HRNR: variants seen among roughly 807,000 people sequenced by gnomAD.
HRNR encodes hornerin, also known as filaggrin family member 3.
In HRNR, 7 loss-of-function variants were observed where a neutral mutation model predicts 4.8. That is an observed-to-expected ratio of 1.47 (90% CI 0.83 to 2.75). The LOEUF is 2.75. HRNR is among the 30% of genes most tolerant of loss of function. The pLI is 0.00. For missense variants in HRNR, 2,879 were observed against 3,010.4 expected (o/e 0.96, Z 1.02); for synonymous variants, 1,023 against 1,242.7 (o/e 0.82, Z 3.72).
Position 152,219,040 on chromosome 1 carries a change from T to G in HRNR, c.2589A>C (p.Gln863His). The change falls in exon 3 of 3, where the codon CAA (glutamine) becomes CAC (histidine). Residue 863 changes from glutamine to histidine, a missense_variant. By Grantham distance (24) the Gln-to-His change is conservative (BLOSUM62 0). Transcript: ENST00000368801. ...SSGQHDSSSG[Q>H]SSSYGQHESA... Reference sequence around the variant, plus strand: ...ACTCATGCTGACCATAGCTGGAAGATTGACCTGAGCTAGAGTCATGTTGGC... The same window carrying G: ...ACTCATGCTGACCATAGCTGGAAGAGTGACCTGAGCTAGAGTCATGTTGGC... The G allele has an allele frequency of 1.2e-6, 2 of 1,606,126 alleles. No homozygotes were observed. The highest frequency in any genetic ancestry group is 1.1e-5 in the South Asian group (1 of 90,718).
Position 152,219,039 on chromosome 1 carries a change from A to G in HRNR, c.2590T>C (p.Ser864Pro), listed in dbSNP as rs146837788. The change falls in exon 3 of 3, where the codon TCT (serine) becomes CCT (proline). Residue 864 changes from serine to proline, a missense_variant. Physicochemically the swap from Ser to Pro is moderately conservative, Grantham distance 74. Around this residue, in one of 8 missense-constraint regions of HRNR, gnomAD observed 2,646 missense variants for 1,377.7 expected, o/e 1.92. Transcript: ENST00000368801. The stretch of plus-strand genomic sequence containing the variant: ...GACTCATGCTGACCATAGCTGGAAG[A>G]TTGACCTGAGCTAGAGTCATGTTGG... ...SGQHDSSSGQ[S>P]SSYGQHESAS... is the part of the protein sequence containing the mutation. 3.7e-6 allele frequency: 6 copies of G among 1,613,738 alleles called. No homozygotes were observed. Among genetic ancestry groups the G allele is most frequent in the Admixed American group, 1.7e-5 (1 of 59,976 alleles).
At position 152,220,147 on chromosome 1, in the gene HRNR, G is replaced by C. The variant is rs77355406; in HGVS notation, c.1482C>G (p.His494Gln). The C allele has an allele frequency of 1.9e-6, 3 of 1,613,110 alleles. No individual in the cohort carries two copies. In the African/African-American group the frequency reaches 4.0e-5, roughly 22 times the overall value. ...TAGATGACTGTCCTGACCTAGAGCC[G>C]TGTTGTCCGTGGCCGGAGGAGTGAC... ...GSGHSSGHGQ[H>Q]GSRSGQSSRG... The change falls in exon 3 of 3, where the codon CAC becomes CAG. Residue 494 changes from histidine (H) to glutamine (Q), a missense_variant. By Grantham distance (24) the His-to-Gln change is conservative. Around this residue, in one of 8 missense-constraint regions of HRNR, gnomAD observed 2,646 missense variants for 1,377.7 expected, o/e 1.92. Transcript: ENST00000368801.
rs756387923 is a variant in HRNR, at chr1:152,213,204, C to A, written c.8425G>T (p.Gly2809Trp). 229 of 1,614,032 alleles carry A rather than the reference C, an allele frequency of 1.4e-4. No individual in the cohort carries two copies. The highest frequency in any genetic ancestry group is 1.8e-4 in the Non-Finnish European group (213 of 1,180,044). The change falls in exon 3 of 3, where the codon GGG (glycine) becomes TGG (tryptophan). Residue 2809 changes from glycine (G) to tryptophan (W), a missense_variant. Coordinates refer to ENST00000368801, the MANE Select transcript of HRNR (RefSeq NM_001009931.3). The stretch of plus-strand genomic sequence containing the variant: ...CTTCCTCCTTTGCAATAAGAATACC[C>A]ATCTTGCCCTGAGCCACTTCCATGC... ...SQHGSGSGQD[G>W]YSYCKGGSNH...
Position 152,220,660 on chromosome 1 carries a change from G to T in HRNR, c.969C>A (p.Gly323=). 1 of 1,612,186 alleles carries T rather than the reference G, an allele frequency of 6.2e-7. No individual in the cohort carries two copies. Among genetic ancestry groups the T allele is most frequent in the Non-Finnish European group, 8.5e-7 (1 of 1,178,630 alleles). The part of the protein sequence containing the change: ...GSGSGHSSSH[G]QHGSGSSYSY... ...AGTAACTTGAGCCAGACCCGTGTTGGCCGTGGCTGGAGGAGTGCCCCGAAC... is the reference window on the plus strand; with the variant it reads ...AGTAACTTGAGCCAGACCCGTGTTGTCCGTGGCTGGAGGAGTGCCCCGAAC... The change falls in exon 3 of 3, where the codon GGC becomes GGA. Residue 323 remains glycine, a synonymous_variant. Coordinates refer to ENST00000368801, the MANE Select transcript of HRNR (RefSeq NM_001009931.3).
chr1:152,213,207 C>T lies in HRNR; in HGVS notation c.8422G>A (p.Asp2808Asn). 1.2e-6 allele frequency: 2 copies of T among 1,614,178 alleles called. No homozygotes were observed. The highest frequency in any genetic ancestry group is 1.3e-5 in the African/African-American group (1 of 75,068). Residue 2808 changes from aspartate (D) to asparagine (N), a missense_variant, in exon 3 of 3, where the codon GAT becomes AAT. Transcript: ENST00000368801. Reference protein sequence around the residue: ...YSQHGSGSGQDGYSYCKGGSN... With the variant: ...YSQHGSGSGQNGYSYCKGGSN... ...CCTCCTTTGCAATAAGAATACCCATCTTGCCCTGAGCCACTTCCATGCTGA... is the reference window on the plus strand; with the variant it reads ...CCTCCTTTGCAATAAGAATACCCATTTTGCCCTGAGCCACTTCCATGCTGA...
rs576752881 is a variant in HRNR, at chr1:152,218,323, G to A, written c.3306C>T (p.His1102=). Residue 1102 remains histidine, a synonymous_variant, in exon 3 of 3, where the codon CAC becomes CAT. Coordinates refer to ENST00000368801, the MANE Select transcript of HRNR (RefSeq NM_001009931.3). ...HGASSGQSSS[H]GQHGSGSSQS... is the part of the protein sequence containing the mutation. ...GACTTGAGCCAGAGCCATGCTGACCGTGGCTGGAAGACTGACCTGAGCTAG... is the reference window on the plus strand; with the variant it reads ...GACTTGAGCCAGAGCCATGCTGACCATGGCTGGAAGACTGACCTGAGCTAG... The A allele has an allele frequency of 8.4e-5, 135 of 1,607,718 alleles. 3 individuals are homozygous for A. Among genetic ancestry groups the A allele is most frequent in the East Asian group, 4.5e-4 (20 of 44,458 alleles).
In HRNR at chr1:152,212,779, T is replaced by G; in HGVS notation, c.*297A>C. 1 of 431,980 alleles carries G rather than the reference T, an allele frequency of 2.3e-6. No individual in the cohort carries two copies. Among genetic ancestry groups the G allele is most frequent in the South Asian group, 3.0e-5 (1 of 32,976 alleles). 26.8% of individuals were successfully genotyped at this position (431,980 alleles called of 1,614,324 possible). A position where few individuals can be genotyped will look rare whatever the true frequency, so the allele number is the denominator to read the frequency against. On this transcript the variant is annotated 3_prime_UTR_variant, in exon 3 of 3. Coordinates refer to ENST00000368801, the MANE Select transcript of HRNR (RefSeq NM_001009931.3). The stretch of plus-strand genomic sequence containing the variant: ...GAGCTCTCAAAAAGACAACTCCAAC[T>G]AAACCCAAAGCTCTTTAAAAGCTTT...
At position 152,219,095 on chromosome 1, in the gene HRNR, C is replaced by A; in HGVS notation, c.2534G>T (p.Gly845Val). The change falls in exon 3 of 3, where the codon GGA becomes GTA. Residue 845 changes from glycine to valine, a missense_variant. Gly to Val is a moderately radical substitution (Grantham distance 109). Around this residue, in one of 8 missense-constraint regions of HRNR, gnomAD observed 2,646 missense variants for 1,377.7 expected, o/e 1.92. Coordinates refer to ENST00000368801, the MANE Select transcript of HRNR (RefSeq NM_001009931.3). ...GCTTGATGACTGCCCTGACGTAGAT[C>A]CATGTCGTCCCTGGCTAGAGAAGTG... ...SGHFSSQGRH[G>V]STSGQSSSSG... is the part of the protein sequence containing the mutation. 1 of 1,613,388 alleles carries A rather than the reference C, an allele frequency of 6.2e-7. No individual in the cohort carries two copies. Among genetic ancestry groups the A allele is most frequent in the Non-Finnish European group, 8.5e-7 (1 of 1,179,896 alleles).
rs367826890 is a variant in HRNR, at chr1:152,219,289, T to C, written c.2340A>G (p.Arg780=). 1.8e-5 allele frequency: 29 copies of C among 1,610,414 alleles called. No individual in the cohort carries two copies. Among genetic ancestry groups the C allele is most frequent in the Non-Finnish European group, 2.1e-5 (25 of 1,179,228 alleles). ...SGSGHSPSRV[R]HGSSSGHSSS... ...AGGAGTGCCCTGAACTGGACCCATG[T>C]CGGACACGGCTAGGAGAGTGGCCAG... is the stretch of plus-strand genomic sequence containing the variant. Residue 780 remains arginine, a synonymous_variant, in exon 3 of 3, where the codon CGA becomes CGG. Transcript: ENST00000368801.
Position 152,218,976 on chromosome 1 carries a change from A to T in HRNR, c.2653T>A (p.Ser885Thr), listed in dbSNP as rs1648796234. ...TGGCCTGGAGACTGGCCAGATCCAG[A>T]GCCATGTCGGCCGCGGCCCGAAGCG... ...HHASGRGRHG[S>T]GSGQSPGHGQ... Residue 885 changes from serine (S) to threonine (T), a missense_variant, in exon 3 of 3, where the codon TCT (serine) becomes ACT (threonine). Coordinates refer to ENST00000368801, the MANE Select transcript of HRNR (RefSeq NM_001009931.3). The T allele has an allele frequency of 1.2e-6, 2 of 1,608,698 alleles. No homozygotes were observed. Among genetic ancestry groups the T allele is most frequent in the Non-Finnish European group, 1.7e-6 (2 of 1,179,880 alleles).
At position 152,220,196 on chromosome 1, in the gene HRNR, T is replaced by G; in HGVS notation, c.1433A>C (p.Tyr478Ser). 6.2e-7 allele frequency: 1 copy of G among 1,613,640 alleles called. No homozygotes were observed. The highest frequency in any genetic ancestry group is 8.5e-7 in the Non-Finnish European group (1 of 1,179,802). The stretch of plus-strand genomic sequence containing the variant: ...ACCTGAGCCAGATCCATGCTGAGTG[T>G]AACCAGAGGAATGCTCTGAGCTAGA... ...HESSSEHSSG[Y>S]TQHGSGSGHS... The change falls in exon 3 of 3, where the codon TAC (tyrosine) becomes TCC (serine). Residue 478 changes from tyrosine to serine, a missense_variant. Physicochemically the swap from Tyr to Ser is moderately radical, Grantham distance 144 (BLOSUM62 -2). Around this residue, in one of 8 missense-constraint regions of HRNR, gnomAD observed 2,646 missense variants for 1,377.7 expected, o/e 1.92. Coordinates refer to ENST00000368801, the MANE Select transcript of HRNR (RefSeq NM_001009931.3).
In HRNR at chr1:152,220,326, G is replaced by C; in HGVS notation, c.1303C>G (p.Gln435Glu). Residue 435 changes from glutamine to glutamate, a missense_variant, in exon 3 of 3, where the codon CAG (glutamine) becomes GAG (glutamate). Physicochemically the swap from Gln to Glu is conservative, Grantham distance 29 (BLOSUM62 2). Coordinates refer to ENST00000368801, the MANE Select transcript of HRNR (RefSeq NM_001009931.3). ...CCATGTTGGCCGGAGCTGGGAGACT[G>C]CCCTGACCCAGACCCACGCTGGCCG... ...GHGQRGSGSG[Q>E]SPSSGQHGTG... is the part of the protein sequence containing the mutation. 1 of 1,613,680 alleles carries C rather than the reference G, an allele frequency of 6.2e-7. No homozygotes were observed. Among genetic ancestry groups the C allele is most frequent in the South Asian group, 1.1e-5 (1 of 91,054 alleles).
Position 152,219,720 on chromosome 1 carries a change from C to A in HRNR, c.1909G>T (p.Gly637Cys), listed in dbSNP as rs61814944. The A allele has an allele frequency of 4.3e-6, 7 of 1,613,316 alleles. No individual in the cohort carries two copies. In the Admixed American group the frequency reaches 1.2e-4, roughly 27 times the overall value. Residue 637 changes from glycine (G) to cysteine (C), a missense_variant, in exon 3 of 3, where the codon GGT becomes TGT. Physicochemically the swap from Gly to Cys is radical, Grantham distance 159 (BLOSUM62 -3). Transcript: ENST00000368801. ...GATSGQSSSH[G>C]QHGSGSSQSS... is the part of the protein sequence containing the mutation. The stretch of plus-strand genomic sequence containing the variant: ...TGACTTGAGCCAGAGCCATGCTGAC[C>A]GTGGCTGGAAGACTGACCTGAGGTA...
chr1:152,212,840 A>C lies in HRNR; in HGVS notation c.*236T>G. On this transcript the variant is annotated 3_prime_UTR_variant, in exon 3 of 3. Coordinates refer to ENST00000368801, the MANE Select transcript of HRNR (RefSeq NM_001009931.3). ...TCAAAGTTTAACCCTCATTCTAACA[A>C]GTTATTCCACTCAGTATTTTCTAAC... The C allele has an allele frequency of 1.7e-6, 1 of 587,910 alleles. No individual in the cohort carries two copies. Among genetic ancestry groups the C allele is most frequent in the South Asian group, 2.3e-5 (1 of 43,866 alleles). 36.4% of individuals were successfully genotyped at this position (587,910 alleles called of 1,614,324 possible).
chr1:152,219,239 C>G lies in HRNR; in HGVS notation c.2390G>C (p.Gly797Ala), dbSNP rs773786210. The change falls in exon 3 of 3, where the codon GGC becomes GCC. Residue 797 changes from glycine (G) to alanine (A), a missense_variant. This residue lies in a region of HRNR where 2,646 missense variants were observed against 1,377.7 expected (regional missense o/e 1.92). Coordinates refer to ENST00000368801, the MANE Select transcript of HRNR (RefSeq NM_001009931.3). Reference sequence around the variant, plus strand: ...GCCACAGCTGGAAGAACAACTTGTGCCAGACCCGTGTTGGCCGTGGCTGGA... The same window carrying G: ...GCCACAGCTGGAAGAACAACTTGTGGCAGACCCGTGTTGGCCGTGGCTGGA... ...HSSSHGQHGS[G>A]TSCSSSCGHY... 90 of 1,613,572 alleles carry G rather than the reference C, an allele frequency of 5.6e-5. No homozygotes were observed. In the Admixed American group the frequency reaches 1.2e-3, roughly 21 times the overall value.
chr1:152,219,209 T>A lies in HRNR; in HGVS notation c.2420A>T (p.Tyr807Phe). The A allele has an allele frequency of 2.5e-6, 4 of 1,613,858 alleles. No individual in the cohort carries two copies. The highest frequency in any genetic ancestry group is 3.4e-6 in the Non-Finnish European group (4 of 1,179,922). Residue 807 changes from tyrosine to phenylalanine, a missense_variant, in exon 3 of 3, where the codon TAT becomes TTT. Coordinates refer to ENST00000368801, the MANE Select transcript of HRNR (RefSeq NM_001009931.3). The stretch of plus-strand genomic sequence containing the variant: ...AGAAGCCTGGCCTGAGCCAGACTCA[T>A]AATGGCCACAGCTGGAAGAACAACT... ...GTSCSSSCGH[Y>F]ESGSGQASGF...
chr1:152,212,436 T>C lies in HRNR; in HGVS notation c.*640A>G, dbSNP rs1409245008. On this transcript the variant is annotated 3_prime_UTR_variant, in exon 3 of 3. Transcript: ENST00000368801. ...ATTCTTTATGAAATAATGCTCTTGC[T>C]CACTGGCTTGGGAAAAGACCCTGAT... The C allele has an allele frequency of 6.6e-6, 1 of 152,538 alleles. No homozygotes were observed. Among genetic ancestry groups the C allele is most frequent in the Non-Finnish European group, 1.5e-5 (1 of 68,350 alleles). 9.4% of individuals were successfully genotyped at this position (152,538 alleles called of 1,614,324 possible).
In HRNR at chr1:152,213,185, C is replaced by T. The variant is rs199581294; in HGVS notation, c.8444G>A (p.Gly2815Glu). The T allele has an allele frequency of 1.7e-4, 270 of 1,614,114 alleles. 4 individuals carry two copies. The South Asian group carries it at 2.3e-3, about 14-fold the overall frequency. ...SGQDGYSYCK[G>E]GSNHDGGSSG... ...ACTTCCCCCATCATGGTTACTTCCT[C>T]CTTTGCAATAAGAATACCCATCTTG... The change falls in exon 3 of 3, where the codon GGA becomes GAA. Residue 2815 changes from glycine (G) to glutamate (E), a missense_variant. Coordinates refer to ENST00000368801, the MANE Select transcript of HRNR (RefSeq NM_001009931.3).
At position 152,219,077 on chromosome 1, in the gene HRNR, G is replaced by T. The variant is rs774716470; in HGVS notation, c.2552C>A (p.Ser851Ter). 3.7e-6 allele frequency: 6 copies of T among 1,613,958 alleles called. No individual in the cohort carries two copies. The highest frequency in any genetic ancestry group is 1.1e-5 in the South Asian group (1 of 91,062). Reference sequence around the variant, plus strand: ...AGAGTCATGTTGGCCGGAGCTTGATGACTGCCCTGACGTAGATCCATGTCG... The same window carrying T: ...AGAGTCATGTTGGCCGGAGCTTGATTACTGCCCTGACGTAGATCCATGTCG... ...QGRHGSTSGQ[S>*]SSSGQHDSSS... is the part of the protein sequence containing the mutation. The change falls in exon 3 of 3, where the codon TCA becomes TAA. Residue 851 changes from serine (S) to a stop codon, truncating the protein, a stop_gained. Coordinates refer to ENST00000368801, the MANE Select transcript of HRNR (RefSeq NM_001009931.3). LOFTEE classifies it low-confidence loss of function (END_TRUNC).
Sources: allele counts gnomAD v4.1 joint callset, GRCh38; gene constraint gnomAD v4.1.1; regional missense constraint gnomAD v4.1.1; transcripts MANE v1.5; gene names NCBI Gene and HGNC (gene_info 2026-07-23, HGNC 2026-07-21).